TERT: variants seen among roughly 807,000 people sequenced by gnomAD.
The protein encoded by TERT is telomerase catalytic subunit.
Under a neutral mutation model 104.0 loss-of-function variants are expected in TERT, and 42 were observed. The ratio of observed to expected loss-of-function variants is 0.40; its 90% confidence interval spans 0.32 to 0.52. TERT has a LOEUF of 0.52. Ranked by LOEUF, TERT falls within the 20% of genes least tolerant of loss-of-function variation. The pLI is 0.43. For synonymous variants in TERT, 781 were observed against 725.6 expected, an observed-to-expected ratio of 1.08 and a Z score of -1.23; for missense variants, 1,101 against 1,610.3, an observed-to-expected ratio of 0.68 and a Z score of 5.41.
At chr5:1,283,516 CG>C (rs1750215184) in intron 2 of TERT, among the ~76,000 whole-genome samples, 1 of 136,750 alleles carries the variant, frequency 7.3e-6, no homozygotes, top group Non-Finnish European at 1.6e-5. Flanking sequence ...TCCAGCTAAC[CG>C]CAGGGCCTGG....
At position 1,272,138 on chromosome 5, in the gene TERT, C is replaced by A. The variant is rs1314346547; in HGVS notation, c.2382+47G>T. The A allele has an allele frequency of 9.0e-6, 13 of 1,452,220 alleles. No homozygotes were observed. In the Middle Eastern group the frequency reaches 5.6e-4, roughly 63 times the overall value. The allele number at this position is 1,452,220 out of a possible 1,614,324, so 90.0% of individuals were successfully genotyped here. A position where few individuals can be genotyped will look rare whatever the true frequency, so the allele number is the denominator to read the frequency against. ...AGCCCAGTGATTGCCCAGGGGAGGACCCACTGCTGGGAGTCCGTGCCCAAC... is the reference window on the plus strand; with the variant it reads ...AGCCCAGTGATTGCCCAGGGGAGGAACCACTGCTGGGAGTCCGTGCCCAAC... On this transcript the variant is annotated intron_variant, in intron 7 of 15. Transcript: ENST00000310581.
intron 13 of TERT, among the ~76,000 whole-genome samples, chr5:1,258,176 G>A (rs1201515223): frequency 2.0e-5 from 3 of 152,214 alleles, no homozygotes; most frequent in Admixed American, 6.5e-5. Context: ...TGGGGCCAGC[G>A]ACCCTCACCT....
In TERT at chr5:1,258,673, G is replaced by T; in HGVS notation, c.2971-14C>A. On this transcript the variant is annotated splice_polypyrimidine_tract_variant and intron_variant, in intron 12 of 15. Transcript: ENST00000310581. ...GAGGCTGTTCACCTAGAGTCGCCAA[G>T]AAAGAGTGAGAAACGGTAGAAACCT... 6.4e-7 allele frequency: 1 copy of T among 1,559,048 alleles called. No individual in the cohort carries two copies.
chr5:1,294,422 C>A lies in TERT; in HGVS notation c.464G>T (p.Arg155Leu). 6.3e-7 allele frequency: 1 copy of A among 1,590,852 alleles called. No individual in the cohort carries two copies. The highest frequency in any genetic ancestry group is 8.5e-7 in the Non-Finnish European group (1 of 1,176,520). The change falls in exon 2 of 16, where the codon CGC becomes CTC. Residue 155 changes from arginine to leucine, a missense_variant. Coordinates refer to ENST00000310581, the MANE Select transcript of TERT (RefSeq NM_198253.3). ...AGCCACCAGCACAAAGAGCGCGCAG[C>A]GTGCCAGCAGGTGAACCAGCACGTC... ...GDDVLVHLLARCALFVLVAPS... is the reference protein window; with the variant it reads ...GDDVLVHLLALCALFVLVAPS...
At chr5:1,291,910 G>A (rs960050943) in intron 2 of TERT, among the ~76,000 whole-genome samples, 15 of 152,196 alleles carry the variant, frequency 9.9e-5, no homozygotes, top group Non-Finnish European at 1.8e-4. Context: ...AGCAAAACTG[G>A]GTTGCATGAC....
At chr5:1,264,721 A>G in intron 10 of TERT, 129 bp from the exon 11 acceptor site, 1 of 1,042,616 alleles carries the variant, frequency 9.6e-7, no homozygotes. Flanking sequence ...TGGGCCTGGC[A>G]GGAGCTCTGA....
At chr5:1,282,814 T>C in intron 2 of TERT, 190 bp from the exon 3 acceptor site, 2 of 649,006 alleles carry the variant, frequency 3.1e-6, no homozygotes, top group Non-Finnish European at 5.5e-6. Flanking sequence ...ACCTGCACCA[T>C]TCGGACACGG....
At chr5:1,258,441 G>A (rs553820486) in intron 13 of TERT, among the ~76,000 whole-genome samples, 157 bp downstream of exon 13, 11 of 149,124 alleles carry the variant, frequency 7.4e-5, no homozygotes, top group African/African-American at 2.3e-4. Flanking sequence ...ACAGAGCCAC[G>A]CGAACAGAAC....
chr5:1,268,152 T>A lies in TERT; in HGVS notation c.2582+368A>T, dbSNP rs1748750846. The stretch of plus-strand genomic sequence containing the variant: ...CACCTGTCGAGGGCCTGCTGGGAGA[T>A]GTGGGGCCTCAGGCTGCACCAGCCC... On this transcript the variant is annotated intron_variant, in intron 9 of 15. Coordinates refer to ENST00000310581, the MANE Select transcript of TERT (RefSeq NM_198253.3). This position sits in a 1 kb window ranked among gnomAD's most constrained non-coding sequence, Gnocchi z 5.5. 6.6e-6 allele frequency among the ~76,000 whole-genome samples: 1 copy of A among 152,176 alleles called. No individual in the cohort carries two copies. The highest frequency in any genetic ancestry group is 6.5e-5 in the Admixed American group (1 of 15,288).
rs1750581132 is a variant in TERT at position 1,287,700 on chromosome 5, A to G, written c.1574-5076T>C. On this transcript the variant is annotated intron_variant, in intron 2 of 15. Transcript: ENST00000310581. This position sits in a 1 kb window ranked among gnomAD's most constrained non-coding sequence, Gnocchi z 4.3. ...TTCTACCACGTGCATGCACCTAACA[A>G]TGCCTCACATAAATGCTACCAAACG... 2.6e-5 allele frequency among the ~76,000 whole-genome samples: 4 copies of G among 151,964 alleles called. No individual in the cohort carries two copies. The highest frequency in any genetic ancestry group is 9.7e-5 in the African/African-American group (4 of 41,348).
chr5:1,293,956 T>A lies in TERT; in HGVS notation c.930A>T (p.Thr310=), dbSNP rs1466834683. 18 of 1,552,956 alleles carry A rather than the reference T, an allele frequency of 1.2e-5. No individual in the cohort carries two copies. The highest frequency in any genetic ancestry group is 9.6e-5 in the African/African-American group (7 of 73,222). The change falls in exon 2 of 16, where the codon ACA becomes ACT. Residue 310 remains threonine (T), a synonymous_variant. Coordinates refer to ENST00000310581, the MANE Select transcript of TERT (RefSeq NM_198253.3). The part of the protein sequence containing the change: ...GRQHHAGPPS[T]SRPPRPWDTP... ...TGTCCCAGGGACGTGGTGGCCGCGA[T>A]GTGGATGGGGGGCCCGCGTGGTGCT... is the stretch of plus-strand genomic sequence containing the variant.
chr5:1,274,866 A>G lies in TERT; in HGVS notation c.2287-2586T>C, dbSNP rs1749437918. Among the ~76,000 whole-genome samples, 2 of 152,234 alleles carry G rather than the reference A, an allele frequency of 1.3e-5. No homozygotes were observed. The highest frequency in any genetic ancestry group is 4.8e-5 in the African/African-American group (2 of 41,460). ...TCCTTCAAGGAGCCGGAAAAACAAC[A>G]ATAAACAAAGCCTAAAGGAAATGGA... On this transcript the variant is annotated intron_variant, in intron 6 of 15. Transcript: ENST00000310581. This position sits in a 1 kb window ranked among gnomAD's most constrained non-coding sequence, Gnocchi z 5.3.
rs1009965891 is a variant in TERT at position 1,270,879 on chromosome 5, G to A, written c.2468+240C>T. On this transcript the variant is annotated intron_variant, in intron 8 of 15. Coordinates refer to ENST00000310581, the MANE Select transcript of TERT (RefSeq NM_198253.3). This position sits in a 1 kb window ranked among gnomAD's most constrained non-coding sequence, Gnocchi z 8.3. ...CCACGCAGGAGCAACTCCACACCCC[G>A]CTTGCCATTTCCAGGCCTCGTGTGG... Among the ~76,000 whole-genome samples, 4 of 152,172 alleles carry A rather than the reference G, an allele frequency of 2.6e-5. No homozygotes were observed. Among genetic ancestry groups the A allele is most frequent in the Non-Finnish European group, 5.9e-5 (4 of 68,028 alleles).
In TERT at chr5:1,268,697, C is replaced by T; in HGVS notation, c.2469-64G>A. On this transcript the variant is annotated intron_variant, in intron 8 of 15. Coordinates refer to ENST00000310581, the MANE Select transcript of TERT (RefSeq NM_198253.3). The surrounding 1 kb of genome is among the most constrained non-coding windows in gnomAD (Gnocchi z 5.5). ...TGTGCTGGACATGCGTACACTCAAA[C>T]CGAGCCACACACAGACACAGAACCT... The T allele has an allele frequency of 9.0e-7, 1 of 1,112,986 alleles. No individual in the cohort carries two copies. 68.9% of individuals were successfully genotyped at this position (1,112,986 alleles called of 1,614,324 possible). A position where few individuals can be genotyped will look rare whatever the true frequency, so the allele number is the denominator to read the frequency against.
intron 3 of TERT, 51 bp from the exon 4 acceptor site, chr5:1,280,389 G>C: frequency 6.3e-7 from 1 of 1,590,186 alleles, no homozygotes; most frequent in East Asian, 2.3e-5. Flanking sequence ...AACAGACTAG[G>C]GGGAAGCTCA....
intron 3 of TERT, 46 bp from the exon 4 acceptor site, chr5:1,280,384 A>C (rs1482655902): frequency 1.3e-6 from 2 of 1,594,790 alleles, no homozygotes; most frequent in Admixed American, 3.4e-5. Context: ...CAGACAACAG[A>C]CTAGGGGGAA....
At chr5:1,258,947 A>G (rs547900667) in intron 12 of TERT, among the ~76,000 whole-genome samples, 22 of 149,966 alleles carry the variant, frequency 1.5e-4, no homozygotes, top group African/African-American at 5.2e-4. Flanking sequence ...AGGTGGACGC[A>G]GATGCCCACA....
Position 1,280,183 on chromosome 5 carries a change from G to A in TERT, c.1925C>T (p.Ala642Val). Residue 642 changes from alanine (A) to valine (V), a missense_variant, in exon 4 of 16, where the codon GCC (alanine) becomes GTC (valine). Physicochemically the swap from Ala to Val is moderately conservative, Grantham distance 64. This residue lies in a region of TERT where 463 missense variants were observed against 797.5 expected (regional missense o/e 0.58). Transcript: ENST00000310581. ...PIVNMDYVVG[A>V]RTFRREKRAE... ...CCTCTTTTCTCTGCGGAACGTTCTG[G>A]CTCCCACGACGTAGTCCATGTTCAC... 1 of 1,614,100 alleles carries A rather than the reference G, an allele frequency of 6.2e-7. No individual in the cohort carries two copies. Among genetic ancestry groups the A allele is most frequent in the Non-Finnish European group, 8.5e-7 (1 of 1,180,034 alleles).
In TERT at chr5:1,288,872, G is replaced by A. The variant is rs902838459; in HGVS notation, c.1573+4441C>T. ...TGTGGCTGCAGTGCCTGGCACGCGG[G>A]AGGCGAGAGCCTGCAGTCCCGTGTC... is the stretch of plus-strand genomic sequence containing the variant. On this transcript the variant is annotated intron_variant, in intron 2 of 15. Transcript: ENST00000310581. This position sits in a 1 kb window ranked among gnomAD's most constrained non-coding sequence, Gnocchi z 5.3. Among the ~76,000 whole-genome samples the A allele has an allele frequency of 6.6e-6, 1 of 152,198 alleles. No homozygotes were observed. The highest frequency in any genetic ancestry group is 1.5e-5 in the Non-Finnish European group (1 of 68,028).
Sources: allele counts gnomAD v4.1 joint callset (sites outside exome capture counted in the v4.1 genomes callset), GRCh38; gene constraint gnomAD v4.1.1; regional missense constraint gnomAD v4.1.1; non-coding constraint Gnocchi (gnomAD v3.1); transcripts MANE v1.5; gene names NCBI Gene and HGNC (gene_info 2026-07-23, HGNC 2026-07-21).